Variants in RBM38 observed in about 807,000 individuals in gnomAD.
RBM38 encodes the protein RNA-binding protein 38.
Under a neutral mutation model 23.5 loss-of-function variants are expected in RBM38, and 11 were observed. The ratio of observed to expected loss-of-function variants is 0.47; its 90% confidence interval spans 0.29 to 0.77. The LOEUF is 0.77. Ranked by LOEUF, RBM38 falls within the 30% of genes least tolerant of loss-of-function variation. RBM38 has a pLI of 0.08. For synonymous variants in RBM38, 165 were observed against 166.1 expected, an observed-to-expected ratio of 0.99 and a Z score of 0.05; for missense variants, 330 against 351.9, an observed-to-expected ratio of 0.94 and a Z score of 0.50.
chr20:57,399,528 G>A (rs1013757292), intron 3 of RBM38, among the ~76,000 whole-genome samples: 3 of 152,242 alleles, frequency 2.0e-5, no homozygotes, highest in Admixed American at 2.0e-4. Context: ...ATGGGAGATG[G>A]GCTTGGCCCT....
chr20:57,404,126 C>A (rs151173940), intron 3 of RBM38, among the ~76,000 whole-genome samples: 1 of 152,204 alleles, frequency 6.6e-6, no homozygotes, highest in East Asian at 1.9e-4. Flanking sequence ...GCTCTGGCCC[C>A]GATGATGTGG....
chr20:57,393,501 A>AGAG (rs1239383767), intron 3 of RBM38, among the ~76,000 whole-genome samples, 168 bp downstream of exon 3: 1 of 152,228 alleles, frequency 6.6e-6, no homozygotes, highest in African/African-American at 2.4e-5. Flanking sequence ...CATCCCTGGC[A>AGAG]GAGGCCATAC....
chr20:57,403,082 C>G (rs1292301519), intron 3 of RBM38, among the ~76,000 whole-genome samples: 1 of 152,172 alleles, frequency 6.6e-6, no homozygotes, highest in African/African-American at 2.4e-5. Context: ...AGCAGCACCC[C>G]CACCCGCACC....
chr20:57,392,012 GCCCCCACCCCCA>G (rs539739783), intron 1 of RBM38, among the ~76,000 whole-genome samples, 194 bp downstream of exon 1: 79 of 79,644 alleles, frequency 9.9e-4, no homozygotes, highest in African/African-American at 2.8e-3. Flanking sequence ...CCAGGCCCCG[GCCCCCACCCCCA>G]CCCCCACCCC....
At position 57,407,512 on chromosome 20, in the gene RBM38, T is replaced by C; in HGVS notation, c.417-31T>C. The stretch of plus-strand genomic sequence containing the variant: ...CCAGCTGTATTCCCCAACTCCGTTC[T>C]GGCCCTAACCTGCTCTGCTTGGCCC... On this transcript the variant is annotated intron_variant, in intron 3 of 3. Transcript: ENST00000356208. The surrounding 1 kb of genome is among the most constrained non-coding windows in gnomAD (Gnocchi z 4.0). 6.2e-7 allele frequency: 1 copy of C among 1,605,272 alleles called. No individual in the cohort carries two copies. The highest frequency in any genetic ancestry group is 1.1e-5 in the South Asian group (1 of 90,604).
intron 3 of RBM38, among the ~76,000 whole-genome samples, chr20:57,406,960 C>T (rs1341062063): frequency 6.6e-6 from 1 of 150,376 alleles, no homozygotes. Flanking sequence ...CGCCACTGCA[C>T]TCCAGCCTGG....
intron 2 of RBM38, 36 bp downstream of exon 2, chr20:57,392,813 GTTTC>G: frequency 3.1e-6 from 5 of 1,606,012 alleles, no homozygotes; most frequent in Non-Finnish European, 4.2e-6. Context: ...GCTCTTCTCG[GTTTC>G]TATATTGGGT....
intron 3 of RBM38, among the ~76,000 whole-genome samples, chr20:57,406,951 G>A (rs371881731): frequency 8.8e-5 from 13 of 147,674 alleles, no homozygotes; most frequent in African/African-American, 2.8e-4. Flanking sequence ...CGGAGATCCC[G>A]CCACTGCACT....
At chr20:57,394,867 T>C (rs2067258645) in intron 3 of RBM38, among the ~76,000 whole-genome samples, 1 of 152,074 alleles carries the variant, frequency 6.6e-6, no homozygotes, top group Non-Finnish European at 1.5e-5. Flanking sequence ...TGCCTGCAGC[T>C]CTTTTCTGCT....
intron 3 of RBM38, among the ~76,000 whole-genome samples, chr20:57,396,885 G>A (rs1274032907): frequency 2.0e-5 from 3 of 152,196 alleles, no homozygotes; most frequent in Admixed American, 1.3e-4. Context: ...GGGCCAGTAC[G>A]AACTGCCTCT....
intron 3 of RBM38, chr20:57,400,113 ACT>A (rs1055842702): frequency 4.9e-6 from 2 of 411,666 alleles, no homozygotes; most frequent in Non-Finnish European, 9.7e-6. Context: ...AATCTGTTGG[ACT>A]CTGCAGCATC....
chr20:57,405,950 G>A (rs910297913), intron 3 of RBM38, among the ~76,000 whole-genome samples: 3 of 152,234 alleles, frequency 2.0e-5, no homozygotes, highest in Non-Finnish European at 4.4e-5. Context: ...GGAGAATGCA[G>A]GGAAGGATGT....
rs920401366 is a variant in RBM38, at chr20:57,407,045, G to A, written c.417-498G>A. Among the ~76,000 whole-genome samples, 6 of 151,674 alleles carry A rather than the reference G, an allele frequency of 4.0e-5. No homozygotes were observed. The highest frequency in any genetic ancestry group is 1.3e-4 in the Admixed American group (2 of 15,228). On this transcript the variant is annotated intron_variant, in intron 3 of 3. Transcript: ENST00000356208. This position sits in a 1 kb window ranked among gnomAD's most constrained non-coding sequence, Gnocchi z 4.0. ...TGAGGAGCAGGTGTTGGCTGGGAGA[G>A]CAGGCGTGTACATGAGCCAAGTGTG...
intron 3 of RBM38, among the ~76,000 whole-genome samples, chr20:57,397,988 C>T (rs915877938): frequency 6.6e-6 from 1 of 152,114 alleles, no homozygotes; most frequent in Non-Finnish European, 1.5e-5. Flanking sequence ...TTGTGTGTAA[C>T]TACACATGAC....
In RBM38 at chr20:57,391,767, G is replaced by A. The variant is rs747949819; in HGVS notation, c.186G>A (p.Glu62=). The A allele has an allele frequency of 1.2e-4, 192 of 1,573,770 alleles. No individual in the cohort carries two copies. Among genetic ancestry groups the A allele is most frequent in the Non-Finnish European group, 1.6e-4 (189 of 1,159,886 alleles). The change falls in exon 1 of 4, where the codon GAG becomes GAA. Residue 62 remains glutamate, a synonymous_variant. Coordinates refer to ENST00000356208, the MANE Select transcript of RBM38 (RefSeq NM_017495.6). ...TCGAGGGCTTCGGCGACATCGAGGA[G>A]GCCGTGGTCATCACCGACCGCCAGA... ...KYFEGFGDIE[E]AVVITDRQTG...
chr20:57,394,614 G>C (rs1406235785), intron 3 of RBM38, among the ~76,000 whole-genome samples: 1 of 151,762 alleles, frequency 6.6e-6, no homozygotes, highest in South Asian at 2.1e-4. Flanking sequence ...GTGGGAGCAG[G>C]CGGCCCTGTC....
intron 3 of RBM38, among the ~76,000 whole-genome samples, chr20:57,406,850 C>G (rs747721736): frequency 6.6e-6 from 1 of 152,016 alleles, no homozygotes; most frequent in Non-Finnish European, 1.5e-5. Context: ...AAAAATTAGC[C>G]GAGCGTGGTG....
At chr20:57,391,842 C>A in intron 1 of RBM38, 24 bp downstream of exon 1, 1 of 1,491,748 alleles carries the variant, frequency 6.7e-7, no homozygotes, top group Non-Finnish European at 9.0e-7. Flanking sequence ...GCGCCCGGGC[C>A]CGCACCCCGC....
At chr20:57,402,187 C>T (rs4811842) in intron 3 of RBM38, among the ~76,000 whole-genome samples, 13,009 of 152,214 alleles carry the variant, frequency 0.085, 795 homozygotes, top group East Asian at 0.2. Flanking sequence ...CCTCATGATC[C>T]GCCCGCCTCG....
Sources: gnomAD v4.1 joint callset for allele counts (sites outside exome capture counted in the v4.1 genomes callset) on GRCh38, gnomAD v4.1.1 for gene constraint, Gnocchi (gnomAD v3.1) non-coding constraint, MANE v1.5 for transcripts, NCBI Gene and HGNC (gene_info 2026-07-23, HGNC 2026-07-21) for gene names.